The following GRM5 variants were observed in gnomAD, a reference collection of about 807,000 sequenced individuals.
GRM5 encodes the protein metabotropic glutamate receptor 5.
A neutral mutation model predicts 83.1 loss-of-function variants in GRM5; 19 were observed. The observed-to-expected ratio is 0.23, with a 90% CI of 0.16 to 0.34. GRM5 has a LOEUF of 0.34. Ranked by LOEUF, GRM5 falls within the 10% of genes least tolerant of loss-of-function variation. The pLI is 1.00. For missense variants in GRM5, 1,160 were observed against 1,588.3 expected (o/e 0.73, Z 4.58); for synonymous variants, 675 against 633.6 (o/e 1.07, Z -0.98).
intron 3 of GRM5, among the ~76,000 whole-genome samples, chr11:88,698,252 T>G (rs576589873): frequency 1.3e-5 from 2 of 152,248 alleles, no homozygotes; most frequent in South Asian, 4.1e-4. Context: ...TCCTGCAGAT[T>G]CTCTTTATGC....
intron 2 of GRM5, among the ~76,000 whole-genome samples, chr11:88,984,422 C>T (rs1027634920): frequency 6.6e-6 from 1 of 152,160 alleles, no homozygotes; most frequent in African/African-American, 2.4e-5. Flanking sequence ...TACCACATAG[C>T]ACAAGTGTAG....
intron 8 of GRM5, among the ~76,000 whole-genome samples, chr11:88,553,879 G>A (rs1342147175): frequency 3.3e-5 from 5 of 152,064 alleles, no homozygotes; most frequent in African/African-American, 1.2e-4. Flanking sequence ...GGAGTTTTGG[G>A]TAGGGAAGAC....
At chr11:88,785,276 A>G (rs1450158066) in intron 3 of GRM5, among the ~76,000 whole-genome samples, 1 of 152,036 alleles carries the variant, frequency 6.6e-6, no homozygotes, top group Non-Finnish European at 1.5e-5. Flanking sequence ...CTAATTACAT[A>G]CTTTGGCAGA....
At chr11:88,808,046 G>A (rs565005316) in intron 3 of GRM5, among the ~76,000 whole-genome samples, 46 of 151,528 alleles carry the variant, frequency 3.0e-4, no homozygotes, top group Non-Finnish European at 6.2e-4. Flanking sequence ...ATCTATAATA[G>A]GGTGTTTACT....
chr11:88,900,647 A>G (rs1233520781), intron 2 of GRM5, among the ~76,000 whole-genome samples: 1 of 152,186 alleles, frequency 6.6e-6, no homozygotes, highest in Non-Finnish European at 1.5e-5. Context: ...ATATTCAATT[A>G]TATAAAATTT....
At chr11:88,579,451 T>C (rs913984516) in intron 7 of GRM5, among the ~76,000 whole-genome samples, 3 of 151,784 alleles carry the variant, frequency 2.0e-5, no homozygotes, top group African/African-American at 7.2e-5. Flanking sequence ...ATATAAGAGG[T>C]AGAGAAAAGA....
At chr11:89,020,589 T>C (rs1168630442) in intron 2 of GRM5, among the ~76,000 whole-genome samples, 1 of 152,176 alleles carries the variant, frequency 6.6e-6, no homozygotes, top group Non-Finnish European at 1.5e-5. Flanking sequence ...CACTAGTAGG[T>C]AGTCCACTTA....
chr11:88,885,450 GTTTTTTTTTTTTTTTTTTTTTTT>G (rs61456975), intron 2 of GRM5, among the ~76,000 whole-genome samples: 4 of 62,664 alleles, frequency 6.4e-5, no homozygotes, highest in East Asian at 5.5e-4. Context: ...TAGGTACCAT[GTTTTTTTTTTTTTTTTTTTTTTT>G]TTTTTTTTTT....
rs1051063419 is a variant in GRM5 at position 89,047,082 on chromosome 11, A to T, written c.661+130T>A. ...GATATATGCCATCCAGTCTGTTCTTATAGTACTGGTATAACTCGGACAATT... is the reference window on the plus strand; with the variant it reads ...GATATATGCCATCCAGTCTGTTCTTTTAGTACTGGTATAACTCGGACAATT... On this transcript the variant is annotated intron_variant, in intron 2 of 9. Transcript: ENST00000305447. The surrounding 1 kb of genome is among the most constrained non-coding windows in gnomAD (Gnocchi z 5.1). 13 of 692,928 alleles carry T rather than the reference A, an allele frequency of 1.9e-5. No individual in the cohort carries two copies. The Admixed American group carries it at 2.0e-4, about 11-fold the overall frequency. The allele number at this position is 692,928 out of a possible 1,614,324, so 42.9% of individuals were successfully genotyped here. A position where few individuals can be genotyped will look rare whatever the true frequency, so the allele number is the denominator to read the frequency against.
chr11:88,704,437 C>A (rs1400856111), intron 3 of GRM5, among the ~76,000 whole-genome samples: 1 of 152,008 alleles, frequency 6.6e-6, no homozygotes. Flanking sequence ...ACATAGAACA[C>A]CAAACCTAGG....
At chr11:88,525,496 G>T in intron 8 of GRM5, 92 bp from the exon 9 acceptor site, 1 of 760,910 alleles carries the variant, frequency 1.3e-6, no homozygotes, top group Non-Finnish European at 2.3e-6. Context: ...TGTGGAGATG[G>T]TCACTCTGTG....
intron 2 of GRM5, among the ~76,000 whole-genome samples, chr11:88,882,660 T>C (rs1290047485): frequency 2.0e-5 from 3 of 152,260 alleles, no homozygotes; most frequent in Middle Eastern, 6.8e-3. Flanking sequence ...TTAATAAATA[T>C]GTCAGGCTAT....
chr11:88,616,219 A>G (rs1292724257), intron 4 of GRM5, among the ~76,000 whole-genome samples: 1 of 152,132 alleles, frequency 6.6e-6, no homozygotes, highest in Non-Finnish European at 1.5e-5. Context: ...ATTTCTTCAC[A>G]TTCAAAATAT....
intron 2 of GRM5, among the ~76,000 whole-genome samples, chr11:88,864,610 A>G (rs1270911139): frequency 6.6e-6 from 1 of 152,040 alleles, no homozygotes; most frequent in Non-Finnish European, 1.5e-5. Flanking sequence ...AATCATGTCA[A>G]CTGCAAAGAG....
chr11:88,620,854 G>T (rs886662524), intron 4 of GRM5, among the ~76,000 whole-genome samples: 1 of 152,136 alleles, frequency 6.6e-6, no homozygotes, highest in Non-Finnish European at 1.5e-5. Flanking sequence ...CTGAAATACA[G>T]GCAGTTGACC....
chr11:88,636,135 T>C (rs1396735983), intron 4 of GRM5, among the ~76,000 whole-genome samples: 1 of 152,230 alleles, frequency 6.6e-6, no homozygotes, highest in Non-Finnish European at 1.5e-5. Flanking sequence ...TATTTTTTTC[T>C]TGACTTATTT....
intron 8 of GRM5, among the ~76,000 whole-genome samples, chr11:88,563,965 G>A (rs1365196573): frequency 6.6e-6 from 1 of 152,150 alleles, no homozygotes; most frequent in East Asian, 1.9e-4. Context: ...AAGCCATAGA[G>A]GAAAGGAATT....
intron 8 of GRM5, among the ~76,000 whole-genome samples, chr11:88,561,178 C>A (rs760466967): frequency 2.0e-5 from 3 of 152,152 alleles, no homozygotes; most frequent in Non-Finnish European, 2.9e-5. Context: ...GGAATTCACA[C>A]AAATGAACCA....
chr11:88,987,890 T>TA (rs1348238653), intron 2 of GRM5, among the ~76,000 whole-genome samples: 1 of 150,042 alleles, frequency 6.7e-6, no homozygotes, highest in Non-Finnish European at 1.5e-5. Flanking sequence ...CAAAAGTAGA[T>TA]AAAACCACAA....
Sources: allele counts gnomAD v4.1 joint callset (sites outside exome capture counted in the v4.1 genomes callset), GRCh38; gene constraint gnomAD v4.1.1; non-coding constraint Gnocchi (gnomAD v3.1); transcripts MANE v1.5; gene names NCBI Gene and HGNC (gene_info 2026-07-23, HGNC 2026-07-21).